The following MOCOS variants were observed in gnomAD, a reference collection of about 807,000 sequenced individuals.
MOCOS encodes human molybdenum cofactor sulfurase.
MOCOS carries 86 observed loss-of-function variants against 83.6 expected under a neutral mutation model. The ratio of observed to expected loss-of-function variants is 1.03; its 90% CI spans 0.86 to 1.23. MOCOS has a LOEUF of 1.23. Ranked by LOEUF, MOCOS falls within the 50% of genes most tolerant of loss-of-function variation. The pLI is 0.00. For missense variants in MOCOS, 1,120 were observed against 1,126.9 expected (o/e 0.99, Z 0.09); for synonymous variants, 445 against 434.7 (o/e 1.02, Z -0.29).
At chr18:36,225,758 G>C (rs997501219) in intron 9 of MOCOS, among the ~76,000 whole-genome samples, 1 of 151,476 alleles carries the variant, frequency 6.6e-6, no homozygotes, top group African/African-American at 2.4e-5. Context: ...ATTTGTCTTT[G>C]GTATTTTATA....
chr18:36,248,781 A>G, intron 9 of MOCOS, 141 bp from the exon 10 acceptor site: 2 of 714,312 alleles, frequency 2.8e-6, no homozygotes, highest in Non-Finnish European at 4.9e-6. Context: ...TTGGTTCTGT[A>G]TCCTGTCACA....
chr18:36,223,247 C>T (rs754436273), intron 9 of MOCOS, among the ~76,000 whole-genome samples: 1 of 152,096 alleles, frequency 6.6e-6, no homozygotes, highest in Admixed American at 6.5e-5. Context: ...ATCTCTAATC[C>T]ATTTGAGTTG....
At chr18:36,241,516 T>C (rs1358422153) in intron 9 of MOCOS, among the ~76,000 whole-genome samples, 1 of 152,132 alleles carries the variant, frequency 6.6e-6, no homozygotes, top group African/African-American at 2.4e-5. Context: ...TGGGCTGAAG[T>C]TGAGTGATGG....
At chr18:36,239,249 G>C (rs923821091) in intron 9 of MOCOS, among the ~76,000 whole-genome samples, 1 of 151,976 alleles carries the variant, frequency 6.6e-6, no homozygotes, top group African/African-American at 2.4e-5. Flanking sequence ...TTACATTTTG[G>C]CATGATTTTG....
At chr18:36,221,602 GTGTTCTGTTCTGTTCTGTTCTGTTC>G (rs10618481) in intron 9 of MOCOS, among the ~76,000 whole-genome samples, 113 of 150,788 alleles carry the variant, frequency 7.5e-4, no homozygotes, top group South Asian at 1.1e-3. Context: ...TTGGCTGTAA[GTGTTCTGTTCTGTTCTGTTCTGTTC>G]TGTTCTGTTC....
intron 5 of MOCOS, 108 bp downstream of exon 5, chr18:36,203,297 G>C: frequency 9.9e-7 from 1 of 1,009,466 alleles, no homozygotes; most frequent in Non-Finnish European, 1.6e-6. Flanking sequence ...GGAAGTGACT[G>C]GCACTCCATG....
chr18:36,203,073 G>T (rs751418585), intron 4 of MOCOS, 40 bp from the exon 5 acceptor site: 48 of 1,578,616 alleles, frequency 3.0e-5, no homozygotes, highest in Middle Eastern at 3.3e-4. Context: ...GGATTGTTTT[G>T]ACCACAGCTT....
At chr18:36,208,822 G>C (rs1484814060) in intron 6 of MOCOS, among the ~76,000 whole-genome samples, 2 of 152,154 alleles carry the variant, frequency 1.3e-5, no homozygotes, top group African/African-American at 4.8e-5. Flanking sequence ...AGGACTTCCA[G>C]TATTATGTTG....
Position 36,187,574 on chromosome 18 carries a change from T to G in MOCOS, c.35T>G (p.Leu12Arg). 8.0e-7 allele frequency: 1 copy of G among 1,246,600 alleles called. No individual in the cohort carries two copies. Among genetic ancestry groups the G allele is most frequent in the East Asian group, 3.1e-5 (1 of 32,260 alleles). The allele number at this position is 1,246,600 out of a possible 1,614,324, so 77.2% of individuals were successfully genotyped here. ...GCGGCGGCGGAGTCAGGGCGGGAGC[T>G]GTGGACCTTCGCGGGTTCCCGGGAC... ...AGAAAESGRE[L>R]WTFAGSRDPS... The change falls in exon 1 of 15, where the codon CTG (leucine) becomes CGG (arginine). Residue 12 changes from leucine to arginine, a missense_variant. Leu to Arg is a moderately radical substitution (Grantham distance 102). Transcript: ENST00000261326.
Position 36,260,086 on chromosome 18 carries a change from C to G in MOCOS, c.2320C>G (p.Arg774Gly), listed in dbSNP as rs762187103. 1 of 1,614,110 alleles carries G rather than the reference C, an allele frequency of 6.2e-7. No homozygotes were observed. The highest frequency in any genetic ancestry group is 1.1e-5 in the South Asian group (1 of 91,088). ...ELFSLKDLSL[R>G]FRANIIINGK... ...ATTCTCACTGAAGGATCTCAGCTTG[C>G]GTTTTCGTGCCAATATTATTATCAA... Residue 774 changes from arginine to glycine, a missense_variant, in exon 13 of 15, where the codon CGT (arginine) becomes GGT (glycine). By Grantham distance (125) the Arg-to-Gly change is moderately radical. Coordinates refer to ENST00000261326, the MANE Select transcript of MOCOS (RefSeq NM_017947.4).
chr18:36,250,525 G>A (rs1421632208), intron 10 of MOCOS, among the ~76,000 whole-genome samples: 1 of 152,114 alleles, frequency 6.6e-6, no homozygotes, highest in Non-Finnish European at 1.5e-5. Flanking sequence ...CCTGGGCCCT[G>A]GTCCCAGGAT....
At chr18:36,190,911 C>A (rs1438183445) in intron 1 of MOCOS, among the ~76,000 whole-genome samples, 1 of 151,214 alleles carries the variant, frequency 6.6e-6, no homozygotes, top group South Asian at 2.1e-4. Context: ...GTGGCACATG[C>A]CTGTAATCCC....
At chr18:36,245,529 T>G (rs1466931243) in intron 9 of MOCOS, among the ~76,000 whole-genome samples, 1 of 152,212 alleles carries the variant, frequency 6.6e-6, no homozygotes. Context: ...TTTGGGTTAC[T>G]GATGCTTTTG....
intron 9 of MOCOS, among the ~76,000 whole-genome samples, chr18:36,226,789 G>C (rs1181301462): frequency 6.7e-6 from 1 of 149,704 alleles, no homozygotes; most frequent in Non-Finnish European, 1.5e-5. Context: ...ATTTTAAGCT[G>C]ACAGCAAGTT....
chr18:36,212,842 G>C (rs995165131), intron 6 of MOCOS, among the ~76,000 whole-genome samples: 19 of 152,166 alleles, frequency 1.2e-4, no homozygotes, highest in African/African-American at 4.3e-4. Flanking sequence ...AGCCCCCAGG[G>C]TGAGGACTCT....
In MOCOS at chr18:36,213,474, C is replaced by G; in HGVS notation, c.1327C>G (p.His443Asp). 6.2e-7 allele frequency: 1 copy of G among 1,613,400 alleles called. No homozygotes were observed. Among genetic ancestry groups the G allele is most frequent in the Non-Finnish European group, 8.5e-7 (1 of 1,179,714 alleles). ...LGISNEMVRK[H>D]FQAGHVCGDN... ...CATAAGCAACGAGATGGTCAGGAAG[C>G]ATTTTCAGGTTGGTACAGGGCTCTG... is the stretch of plus-strand genomic sequence containing the variant. The change falls in exon 7 of 15, where the codon CAT becomes GAT. Residue 443 changes from histidine (H) to aspartate (D), a missense_variant. His to Asp is a moderately conservative substitution (Grantham distance 81). Transcript: ENST00000261326.
At chr18:36,239,330 G>A (rs1179018567) in intron 9 of MOCOS, among the ~76,000 whole-genome samples, 1 of 149,436 alleles carries the variant, frequency 6.7e-6, no homozygotes, top group African/African-American at 2.5e-5. Flanking sequence ...GGCAGGCCTG[G>A]TGGTGACAAA....
chr18:36,209,734 A>G (rs1193704368), intron 6 of MOCOS, among the ~76,000 whole-genome samples: 1 of 152,124 alleles, frequency 6.6e-6, no homozygotes, highest in Non-Finnish European at 1.5e-5. Flanking sequence ...TTATCCACTC[A>G]TTGGTTGATG....
At chr18:36,232,120 T>A (rs758048506) in intron 9 of MOCOS, among the ~76,000 whole-genome samples, 5 of 152,102 alleles carry the variant, frequency 3.3e-5, no homozygotes, top group Admixed American at 6.5e-5. Context: ...ACCACAGGCA[T>A]GTGCCACCAC....
Sources: allele counts gnomAD v4.1 joint callset (sites outside exome capture counted in the v4.1 genomes callset), GRCh38; gene constraint gnomAD v4.1.1; transcripts MANE v1.5; gene names NCBI Gene and HGNC (gene_info 2026-07-23, HGNC 2026-07-21).